Variants in CFAP20DC observed in about 807,000 individuals in gnomAD.
The protein encoded by CFAP20DC is CFAP20 domain containing, also known as protein CFAP20DC.
A neutral mutation model predicts 101.7 loss-of-function variants in CFAP20DC; 84 were observed. The observed-to-expected ratio is 0.83, with a 90% CI of 0.69 to 0.99. CFAP20DC has a LOEUF of 0.99. Among genes scored for constraint, CFAP20DC ranks in the 50% least tolerant of loss-of-function variants. The probability of loss-of-function intolerance (pLI) is 0.00; values close to 1 mark genes in which losing one functional copy is unlikely to be tolerated. For synonymous variants in CFAP20DC, 359 were observed against 351.2 expected, an observed-to-expected ratio of 1.02 and a Z score of -0.25; for missense variants, 1,007 against 970.3, an observed-to-expected ratio of 1.04 and a Z score of -0.50.
At position 58,926,863 on chromosome 3, in the gene CFAP20DC, C is replaced by T. The variant is rs1206929632; in HGVS notation, c.393+10785G>A. ...AATTTATCATATCACTTTGTTATAT[C>T]TCCAATGAATGATTTATGCTGAATG... On this transcript the variant is annotated intron_variant, in intron 5 of 16. Coordinates refer to ENST00000482387, the MANE Select transcript of CFAP20DC (RefSeq NM_001394063.1). 2.0e-5 allele frequency among the ~76,000 whole-genome samples: 3 copies of T among 152,144 alleles called. No individual in the cohort carries two copies. The East Asian group carries it at 5.8e-4, about 29-fold the overall frequency.
At chr3:58,824,335 C>T (rs986459087) in intron 14 of CFAP20DC, 5 of 152,096 alleles carry the variant, frequency 3.3e-5, no homozygotes, top group Non-Finnish European at 4.4e-5. Flanking sequence ...CATGCAAAAA[C>T]GCTGATATGC....
Position 58,752,466 on chromosome 3 carries a change from G to C in CFAP20DC, c.2332+1303C>G, listed in dbSNP as rs544524784. 1.6e-4 allele frequency among the ~76,000 whole-genome samples: 25 copies of C among 152,204 alleles called. 1 individual carries two copies. In the South Asian group the frequency reaches 4.6e-3, roughly 28 times the overall value. ...GCTCCTGCTGTCAGAACCGGGCTTG[G>C]CAATGGTGACTTTAAGACATCCTTC... is the stretch of plus-strand genomic sequence containing the variant. On this transcript the variant is annotated intron_variant, in intron 16 of 16. Coordinates refer to ENST00000482387, the MANE Select transcript of CFAP20DC (RefSeq NM_001394063.1).
At position 58,717,530 on chromosome 3, in the gene CFAP20DC, G is replaced by A. The variant is rs1486353692; in HGVS notation, c.*58C>T. 2.8e-5 allele frequency: 12 copies of A among 427,416 alleles called. No individual in the cohort carries two copies. Among genetic ancestry groups the A allele is most frequent in the Non-Finnish European group, 5.5e-5 (12 of 216,832 alleles). 26.5% of individuals were successfully genotyped at this position (427,416 alleles called of 1,614,324 possible). ...ATGAGTATAGATGCTCAAGGAAGAA[G>A]TGAGGACCCACACTTCCAGGTTCTT... is the stretch of plus-strand genomic sequence containing the variant. On this transcript the variant is annotated 3_prime_UTR_variant, in exon 4 of 4. Coordinates refer to the CFAP20DC transcript ENST00000486145. The surrounding 1 kb of genome is among the most constrained non-coding windows in gnomAD (Gnocchi z 4.1).
intron 4 of CFAP20DC, among the ~76,000 whole-genome samples, chr3:59,003,073 T>C (rs1038709097): frequency 5.3e-5 from 8 of 152,122 alleles, no homozygotes; most frequent in Non-Finnish European, 1.0e-4. Context: ...AATATACTGA[T>C]TAATCACACT....
intron 4 of CFAP20DC, among the ~76,000 whole-genome samples, chr3:59,036,483 A>G (rs1027434879): frequency 2.6e-5 from 4 of 152,276 alleles, no homozygotes; most frequent in African/African-American, 9.6e-5. Flanking sequence ...AATCATAAGC[A>G]CTCCTATACA....
In CFAP20DC at chr3:58,748,097, T is replaced by C. The variant is rs112936999; in HGVS notation, c.2333-5525A>G. On this transcript the variant is annotated intron_variant, in intron 16 of 16. Transcript: ENST00000482387. Reference sequence around the variant, plus strand: ...AACTTGGATCATTAATTAGGAATTATTACAATTTCATTATTTTCAGGTAGT... The same window carrying C: ...AACTTGGATCATTAATTAGGAATTACTACAATTTCATTATTTTCAGGTAGT... Among the ~76,000 whole-genome samples the C allele has an allele frequency of 9.8e-3, 1,494 of 152,270 alleles. 25 individuals are homozygous for C. The highest frequency in any genetic ancestry group is 0.034 in the African/African-American group (1,407 of 41,542).
At chr3:58,782,185 G>C (rs917525983) in intron 15 of CFAP20DC, among the ~76,000 whole-genome samples, 1 of 151,408 alleles carries the variant, frequency 6.6e-6, no homozygotes, top group Non-Finnish European at 1.5e-5. Context: ...AAGAATGAAG[G>C]TTTATAATCA....
At chr3:58,885,478 T>C (rs2108660883) in intron 6 of CFAP20DC, among the ~76,000 whole-genome samples, 1 of 152,144 alleles carries the variant, frequency 6.6e-6, no homozygotes, top group South Asian at 2.1e-4. Context: ...TCCTTTTTGG[T>C]GGGTACACTC....
chr3:59,003,512 A>G (rs1437340152), intron 4 of CFAP20DC, among the ~76,000 whole-genome samples: 1 of 152,206 alleles, frequency 6.6e-6, no homozygotes, highest in Non-Finnish European at 1.5e-5. Flanking sequence ...ATGTATGCCA[A>G]AACAATCCAT....
Position 58,717,924 on chromosome 3 carries a change from C to G in CFAP20DC, c.198-296G>C, listed in dbSNP as rs73837935. On this transcript the variant is annotated intron_variant, in intron 3 of 3. Transcript: ENST00000486145. The surrounding 1 kb of genome is among the most constrained non-coding windows in gnomAD (Gnocchi z 4.1). Reference sequence around the variant, plus strand: ...AACTAACCAATGATGCCAGTCATGACTGATGTAGGGCTTCTTAATAAGTTC... The same window carrying G: ...AACTAACCAATGATGCCAGTCATGAGTGATGTAGGGCTTCTTAATAAGTTC... Among the ~76,000 whole-genome samples the G allele has an allele frequency of 6.4e-4, 97 of 152,280 alleles. 1 individual carries two copies. The highest frequency in any genetic ancestry group is 2.2e-3 in the African/African-American group (92 of 41,552).
intron 7 of CFAP20DC, among the ~76,000 whole-genome samples, chr3:58,883,777 G>T (rs1168105141): frequency 6.6e-6 from 1 of 152,018 alleles, no homozygotes; most frequent in Non-Finnish European, 1.5e-5. Flanking sequence ...AATCCCTGGG[G>T]CATAGACATC....
At chr3:58,875,764 A>C (rs1458661162) in intron 7 of CFAP20DC, among the ~76,000 whole-genome samples, 1 of 151,154 alleles carries the variant, frequency 6.6e-6, no homozygotes. Flanking sequence ...ATGGAAAATT[A>C]AAAATTAAAA....
chr3:58,784,266 T>C (rs954169651), intron 15 of CFAP20DC, among the ~76,000 whole-genome samples: 7 of 152,076 alleles, frequency 4.6e-5, no homozygotes, highest in African/African-American at 1.7e-4. Context: ...TTTCATTCTT[T>C]TTTATGGCTG....
chr3:59,037,782 A>C (rs773469367), intron 4 of CFAP20DC, among the ~76,000 whole-genome samples: 2 of 152,182 alleles, frequency 1.3e-5, no homozygotes, highest in Non-Finnish European at 2.9e-5. Context: ...CCTGGTATAT[A>C]CCCAAAGGAT....
At chr3:58,935,313 A>G (rs1176544137) in intron 5 of CFAP20DC, among the ~76,000 whole-genome samples, 1 of 152,046 alleles carries the variant, frequency 6.6e-6, no homozygotes, top group African/African-American at 2.4e-5. Flanking sequence ...GCTCATGGGT[A>G]GGAAGAATCA....
intron 4 of CFAP20DC, among the ~76,000 whole-genome samples, chr3:58,994,584 T>G (rs989210120): frequency 1.3e-5 from 2 of 152,164 alleles, no homozygotes; most frequent in Admixed American, 1.3e-4. Flanking sequence ...GCCTTCCCCC[T>G]TCCCCCAGTT....
chr3:58,830,485 G>A lies in CFAP20DC; in HGVS notation c.2175+1201C>T, dbSNP rs567640097. Among the ~76,000 whole-genome samples, 7 of 152,216 alleles carry A rather than the reference G, an allele frequency of 4.6e-5. No individual in the cohort carries two copies. The South Asian group carries it at 8.3e-4, about 18-fold the overall frequency. The stretch of plus-strand genomic sequence containing the variant: ...AGGAGTAAACTAGATAACATGTAAG[G>A]CATTAGGTGCCAGGGCCTCTGAGAT... On this transcript the variant is annotated intron_variant, in intron 14 of 16. Transcript: ENST00000482387.
intron 4 of CFAP20DC, among the ~76,000 whole-genome samples, chr3:58,944,358 C>T (rs958079364): frequency 6.6e-6 from 1 of 152,148 alleles, no homozygotes; most frequent in African/African-American, 2.4e-5. Flanking sequence ...GTTTTTAACA[C>T]TTTTATTCAT....
chr3:58,965,872 C>T (rs908230417), intron 4 of CFAP20DC, among the ~76,000 whole-genome samples: 4 of 152,154 alleles, frequency 2.6e-5, no homozygotes, highest in African/African-American at 9.7e-5. Context: ...TGAAGAAGCA[C>T]TTGGTGTTAG....
Sources: gnomAD v4.1 joint callset for allele counts (sites outside exome capture counted in the v4.1 genomes callset) on GRCh38, gnomAD v4.1.1 for gene constraint, Gnocchi (gnomAD v3.1) non-coding constraint, MANE v1.5 for transcripts, NCBI Gene and HGNC (gene_info 2026-07-23, HGNC 2026-07-21) for gene names.